The following FBRSL1 variants were observed in gnomAD, a reference collection of about 807,000 sequenced individuals.
FBRSL1 encodes fibrosin-1-like protein.
FBRSL1 carries 51 observed loss-of-function variants against 89.6 expected under a neutral mutation model. The observed-to-expected ratio is 0.57, with a 90% CI of 0.45 to 0.72. The LOEUF (loss-of-function observed/expected upper bound fraction) is 0.72. FBRSL1 is among the 30% of genes least tolerant of loss of function. The pLI is 0.00. For synonymous variants in FBRSL1, 779 were observed against 681.1 expected (o/e 1.14, Z -2.24); for missense variants, 1,618 against 1,451.8 (o/e 1.11, Z -1.86).
intron 2 of FBRSL1, chr12:132,510,293 G>A (rs1037132607): frequency 3.3e-6 from 4 of 1,230,274 alleles, no homozygotes; most frequent in Admixed American, 4.2e-5. Context: ...TGTGCCAGCC[G>A]CGGCGGTCCC....
Position 132,583,068 on chromosome 12 carries a change from C to T in FBRSL1, c.2299C>T (p.Leu767=), listed in dbSNP as rs988998436. Residue 767 remains leucine, a synonymous_variant, in exon 19 of 19, where the codon CTG becomes TTG. Transcript: ENST00000680143. ...SGLLLRAQSE[L]GRSGAPAERE... is the part of the protein sequence containing the mutation. ...CCTCCTGCTCCGGGCCCAGAGCGAG[C>T]TGGGCCGGTCCGGGGCCCCCGCGGA... The T allele has an allele frequency of 1.7e-5, 25 of 1,444,572 alleles. No individual in the cohort carries two copies. The Admixed American group carries it at 6.1e-4, about 35-fold the overall frequency. 89.5% of individuals were successfully genotyped at this position (1,444,572 alleles called of 1,614,324 possible).
At chr12:132,519,351 A>G (rs1373790274) in intron 2 of FBRSL1, among the ~76,000 whole-genome samples, 1 of 152,198 alleles carries the variant, frequency 6.6e-6, no homozygotes, top group Admixed American at 6.5e-5. Context: ...GGTTTCAGGA[A>G]GAAGCAGGGC....
chr12:132,562,918 G>C (rs1364796365), intron 5 of FBRSL1, among the ~76,000 whole-genome samples: 1 of 152,082 alleles, frequency 6.6e-6, no homozygotes, highest in Non-Finnish European at 1.5e-5. Context: ...CTATGTTTGC[G>C]ATCTGTCTGG....
At chr12:132,491,042 G>T (rs999934631) in intron 1 of FBRSL1, among the ~76,000 whole-genome samples, 181 bp downstream of exon 1, 4 of 152,236 alleles carry the variant, frequency 2.6e-5, no homozygotes, top group Admixed American at 2.6e-4. Flanking sequence ...CGCCCAGACC[G>T]TCGCATCTGG....
At chr12:132,493,319 A>T (rs2031416849) in intron 1 of FBRSL1, among the ~76,000 whole-genome samples, 1 of 152,150 alleles carries the variant, frequency 6.6e-6, no homozygotes, top group African/African-American at 2.4e-5. Flanking sequence ...ATGCTGGAGG[A>T]TGGGACGCTC....
In FBRSL1 at chr12:132,490,647, A is replaced by ACGCCCGCGC; in HGVS notation, c.79_87dup (p.Ala27_Ala29dup). On this transcript the variant is annotated inframe_insertion, in exon 1 of 19. Transcript: ENST00000680143. ...GGCCGGCGCCGGGAGGCCGCCCGCG[A>ACGCCCGCGC]CGCCCGCGCCCAGAGTCCGTCGTCG... 5.1e-6 allele frequency: 5 copies of ACGCCCGCGC among 982,904 alleles called. No individual in the cohort carries two copies. Among genetic ancestry groups the ACGCCCGCGC allele is most frequent in the Non-Finnish European group, 6.0e-6 (5 of 830,188 alleles). 60.9% of individuals were successfully genotyped at this position (982,904 alleles called of 1,614,324 possible). A position where few individuals can be genotyped will look rare whatever the true frequency, so the allele number is the denominator to read the frequency against.
intron 6 of FBRSL1, among the ~76,000 whole-genome samples, chr12:132,568,645 C>T (rs1369513452): frequency 6.6e-6 from 1 of 152,264 alleles, no homozygotes; most frequent in Admixed American, 6.5e-5. Context: ...GCCCAAGCCT[C>T]TTTCCATCCT....
chr12:132,563,290 C>A (rs2039296347), intron 5 of FBRSL1, among the ~76,000 whole-genome samples: 1 of 97,640 alleles, frequency 1.0e-5, no homozygotes, highest in Non-Finnish European at 2.2e-5. Context: ...TGTCTGGCCC[C>A]CACGTCTGGC....
chr12:132,505,154 C>T (rs1221125461), intron 1 of FBRSL1, among the ~76,000 whole-genome samples: 2 of 152,188 alleles, frequency 1.3e-5, no homozygotes, highest in Non-Finnish European at 2.9e-5. Context: ...GGGGCCTGAC[C>T]CACCACTTAG....
At chr12:132,497,175 C>T (rs958202997) in intron 1 of FBRSL1, among the ~76,000 whole-genome samples, 9 of 152,238 alleles carry the variant, frequency 5.9e-5, no homozygotes, top group African/African-American at 2.2e-4. Context: ...TTATCACTTT[C>T]TCAGCACCTG....
At chr12:132,570,765 A>C (rs998678544) in intron 8 of FBRSL1, among the ~76,000 whole-genome samples, 2 of 152,202 alleles carry the variant, frequency 1.3e-5, no homozygotes, top group Non-Finnish European at 2.9e-5. Context: ...ATGCACGTAC[A>C]GACGCGTGTT....
chr12:132,522,976 C>G (rs1038032756), intron 2 of FBRSL1, among the ~76,000 whole-genome samples: 1 of 152,210 alleles, frequency 6.6e-6, no homozygotes, highest in African/African-American at 2.4e-5. Flanking sequence ...CAGAACGGTA[C>G]CTGGCTCGTC....
chr12:132,527,587 C>CGGGGCTGCGGGGCAGGGTTG (rs2035892332), intron 3 of FBRSL1, among the ~76,000 whole-genome samples: 1 of 151,092 alleles, frequency 6.6e-6, no homozygotes, highest in Middle Eastern at 3.2e-3. Context: ...TTGAGGGCTG[C>CGGGGCTGCGGGGCAGGGTTG]GGGGCTGCGG....
At chr12:132,513,445 G>A (rs558593216) in intron 2 of FBRSL1, among the ~76,000 whole-genome samples, 112 of 152,256 alleles carry the variant, frequency 7.4e-4, no homozygotes, top group African/African-American at 2.6e-3. Flanking sequence ...GGGGATCTGG[G>A]GGAGGCTGCC....
intron 2 of FBRSL1, chr12:132,509,550 C>T (rs1311484184): frequency 1.6e-6 from 2 of 1,233,156 alleles, no homozygotes; most frequent in Admixed American, 4.2e-5. Flanking sequence ...CTGCAGGCGC[C>T]TGCGGTCCCT....
intron 14 of FBRSL1, among the ~76,000 whole-genome samples, chr12:132,574,774 C>T (rs1054921481): frequency 1.3e-5 from 2 of 152,080 alleles, no homozygotes; most frequent in African/African-American, 2.4e-5. Context: ...GCCCGGGTGC[C>T]GCAAGGCCCT....
chr12:132,580,365 G>A (rs1474820588), intron 15 of FBRSL1, among the ~76,000 whole-genome samples: 1 of 152,214 alleles, frequency 6.6e-6, no homozygotes, highest in Non-Finnish European at 1.5e-5. Context: ...TGGGATTACA[G>A]GCGTGAGCCA....
At chr12:132,493,923 T>C (rs920634854) in intron 1 of FBRSL1, among the ~76,000 whole-genome samples, 2 of 152,088 alleles carry the variant, frequency 1.3e-5, no homozygotes, top group Non-Finnish European at 2.9e-5. Flanking sequence ...AGGGTGTGCC[T>C]GCAGCCCTGG....
intron 5 of FBRSL1, chr12:132,566,392 T>C (rs1283968445): frequency 7.3e-6 from 1 of 136,628 alleles, no homozygotes; most frequent in Non-Finnish European, 1.5e-5. Flanking sequence ...CACAACTCAA[T>C]GAAGCTGTTT....
Sources: allele counts gnomAD v4.1 joint callset (sites outside exome capture counted in the v4.1 genomes callset), GRCh38; gene constraint gnomAD v4.1.1; transcripts MANE v1.5; gene names NCBI Gene and HGNC (gene_info 2026-07-23, HGNC 2026-07-21).